The following ADAMTS2 variants were observed in gnomAD, a reference collection of about 807,000 sequenced individuals.
ADAMTS2 encodes ADAM metallopeptidase with thrombospondin type 1 motif 2, also known as A disintegrin and metalloproteinase with thrombospondin motifs 2.
ADAMTS2 carries 50 observed loss-of-function variants against 123.0 expected under a neutral mutation model. The observed-to-expected ratio is 0.41, with a 90% CI of 0.32 to 0.51. The LOEUF (loss-of-function observed/expected upper bound fraction) is 0.51. Ranked by LOEUF, ADAMTS2 falls within the 20% of genes least tolerant of loss-of-function variation. The pLI, the probability that ADAMTS2 is intolerant of heterozygous loss-of-function variation, is 0.35. For synonymous variants in ADAMTS2, 678 were observed against 695.4 expected (o/e 0.98, Z 0.39); for missense variants, 1,494 against 1,705.2 (o/e 0.88, Z 2.18).
At chr5:179,291,909 A>AG (rs1436078577) in intron 2 of ADAMTS2, among the ~76,000 whole-genome samples, 11 of 151,192 alleles carry the variant, frequency 7.3e-5, no homozygotes, top group South Asian at 4.2e-4. Flanking sequence ...GCTAATTTAA[A>AG]AAAAAAAAAA....
intron 1 of ADAMTS2, among the ~76,000 whole-genome samples, chr5:179,344,375 C>T (rs1757877103): frequency 6.6e-6 from 1 of 152,202 alleles, no homozygotes; most frequent in Non-Finnish European, 1.5e-5. Context: ...CCGCCACTCC[C>T]CAGCCGTTCC....
chr5:179,186,282 C>T (rs1473644164), intron 4 of ADAMTS2, among the ~76,000 whole-genome samples: 1 of 152,234 alleles, frequency 6.6e-6, no homozygotes, highest in Non-Finnish European at 1.5e-5. Context: ...GGGTGGTTCT[C>T]CTGCCCCTGC....
intron 2 of ADAMTS2, among the ~76,000 whole-genome samples, chr5:179,318,444 C>T (rs1242877693): frequency 1.3e-5 from 2 of 151,788 alleles, no homozygotes; most frequent in Non-Finnish European, 2.9e-5. Flanking sequence ...CAGCCAGGGA[C>T]GGCCACAGCT....
chr5:179,186,395 G>T (rs543845205), intron 4 of ADAMTS2, among the ~76,000 whole-genome samples: 1 of 152,264 alleles, frequency 6.6e-6, no homozygotes, highest in South Asian at 2.1e-4. Flanking sequence ...GAACAGACAT[G>T]GGGGGCAGGC....
At chr5:179,194,735 C>T (rs1305749235) in intron 4 of ADAMTS2, among the ~76,000 whole-genome samples, 2 of 152,152 alleles carry the variant, frequency 1.3e-5, no homozygotes, top group African/African-American at 4.8e-5. Context: ...AAGGGAACCT[C>T]ACAGGGCCAC....
At chr5:179,343,004 A>G (rs2127463045) in intron 2 of ADAMTS2, among the ~76,000 whole-genome samples, 1 of 149,144 alleles carries the variant, frequency 6.7e-6, no homozygotes, top group South Asian at 2.1e-4. Flanking sequence ...CAAAAGATCG[A>G]GCAGCTCATG....
Position 179,307,357 on chromosome 5 carries a change from C to T in ADAMTS2, c.535-34293G>A, listed in dbSNP as rs1756708703. Among the ~76,000 whole-genome samples, 1 of 152,214 alleles carries T rather than the reference C, an allele frequency of 6.6e-6. No individual in the cohort carries two copies. The highest frequency in any genetic ancestry group is 1.5e-5 in the Non-Finnish European group (1 of 68,036). Reference sequence around the variant, plus strand: ...GCACCCGGCCAACCCTGGGTGGCCACTGCTCAGCACTCCAGGACAGCTCCA... The same window carrying T: ...GCACCCGGCCAACCCTGGGTGGCCATTGCTCAGCACTCCAGGACAGCTCCA... On this transcript the variant is annotated intron_variant, in intron 2 of 21. Coordinates refer to ENST00000251582, the MANE Select transcript of ADAMTS2 (RefSeq NM_014244.5). The surrounding 1 kb of genome is among the most constrained non-coding windows in gnomAD (Gnocchi z 5.6).
chr5:179,231,151 G>A (rs1449495558), intron 3 of ADAMTS2, among the ~76,000 whole-genome samples: 1 of 152,154 alleles, frequency 6.6e-6, no homozygotes, highest in Non-Finnish European at 1.5e-5. Context: ...GGCCCAGAAG[G>A]ACAAATACGG....
intron 3 of ADAMTS2, among the ~76,000 whole-genome samples, chr5:179,236,649 A>G (rs1015004988): frequency 6.6e-6 from 1 of 152,088 alleles, no homozygotes; most frequent in African/African-American, 2.4e-5. Flanking sequence ...AAATTAGCCA[A>G]ACGTAATGGG....
intron 8 of ADAMTS2, 58 bp from the exon 9 acceptor site, chr5:179,153,681 C>G (rs1763411626): frequency 6.4e-7 from 1 of 1,551,658 alleles, no homozygotes; most frequent in Non-Finnish European, 8.7e-7. Flanking sequence ...ATCCACAGCC[C>G]TGGAGGCAGC....
At chr5:179,255,619 ACCTGGCTGGGG>A (rs1766028413) in intron 3 of ADAMTS2, among the ~76,000 whole-genome samples, 1 of 151,950 alleles carries the variant, frequency 6.6e-6, no homozygotes, top group Non-Finnish European at 1.5e-5. Flanking sequence ...ATCTCCCAAG[ACCTGGCTGGGG>A]CCTGACTCAG....
chr5:179,319,779 A>G (rs940920622), intron 2 of ADAMTS2, among the ~76,000 whole-genome samples: 2 of 151,934 alleles, frequency 1.3e-5, no homozygotes, highest in East Asian at 3.9e-4. Flanking sequence ...CACAGGAAGC[A>G]TGCGTGCAGA....
intron 4 of ADAMTS2, among the ~76,000 whole-genome samples, chr5:179,193,647 G>A (rs762701827): frequency 2.0e-5 from 3 of 152,216 alleles, no homozygotes; most frequent in Non-Finnish European, 2.9e-5. Context: ...GATCACAGTC[G>A]CTTTATGGGA....
chr5:179,145,501 C>T (rs1383394601), intron 10 of ADAMTS2, among the ~76,000 whole-genome samples: 1 of 152,172 alleles, frequency 6.6e-6, no homozygotes, highest in African/African-American at 2.4e-5. Context: ...TGAATACCCA[C>T]ACAGTGGATT....
At chr5:179,142,009 G>A (rs1763180093) in intron 10 of ADAMTS2, among the ~76,000 whole-genome samples, 1 of 152,158 alleles carries the variant, frequency 6.6e-6, no homozygotes, top group Non-Finnish European at 1.5e-5. Context: ...GGCCAGGAAT[G>A]TCACTCTGGG....
chr5:179,323,654 C>T (rs967193446), intron 2 of ADAMTS2, among the ~76,000 whole-genome samples: 1 of 152,242 alleles, frequency 6.6e-6, no homozygotes, highest in Non-Finnish European at 1.5e-5. Flanking sequence ...GGCAGCAACC[C>T]CAGACTTAAC....
rs777560968 is a variant in ADAMTS2, at chr5:179,314,132, C to T, written c.534+29635G>A. On this transcript the variant is annotated intron_variant, in intron 2 of 21. Coordinates refer to ENST00000251582, the MANE Select transcript of ADAMTS2 (RefSeq NM_014244.5). The surrounding 1 kb of genome is among the most constrained non-coding windows in gnomAD (Gnocchi z 4.5). ...TCCAGCTTCAGGCTCTGCATCCACA[C>T]GGAGGCTTCGGATTGGGCGCAGCCT... Among the ~76,000 whole-genome samples, 7 of 152,274 alleles carry T rather than the reference C, an allele frequency of 4.6e-5. No individual in the cohort carries two copies. The highest frequency in any genetic ancestry group is 2.1e-4 in the South Asian group (1 of 4,836).
rs905610349 is a variant in ADAMTS2 at position 179,162,903 on chromosome 5, C to T, written c.976-4024G>A. On this transcript the variant is annotated intron_variant, in intron 5 of 21. Coordinates refer to ENST00000251582, the MANE Select transcript of ADAMTS2 (RefSeq NM_014244.5). The surrounding 1 kb of genome is among the most constrained non-coding windows in gnomAD (Gnocchi z 5.1). ...CCACAGGGACCCCAGTCAGGACACT[C>T]GCTGGCCCATGAAAGATGGCGTCTG... 9.2e-5 allele frequency among the ~76,000 whole-genome samples: 14 copies of T among 152,182 alleles called. No homozygotes were observed. The highest frequency in any genetic ancestry group is 2.7e-4 in the African/African-American group (11 of 41,432).
At position 179,135,923 on chromosome 5, in the gene ADAMTS2, GCA is replaced by G. The variant is rs1198046051; in HGVS notation, c.2069_2070del (p.Val690AlafsTer10). On this transcript the variant is annotated frameshift_variant, in exon 13 of 22. Coordinates refer to ENST00000251582, the MANE Select transcript of ADAMTS2 (RefSeq NM_014244.5). LOFTEE classifies it high-confidence loss of function. ...CSYKDAFSLC[V>X]RGDCRKVGCD... ...TGTGTACTCACCCTGCAGTCCCCGC[GCA>G]CACAGAGGCTGAAGGCGTCCTTGTA... 1.9e-6 allele frequency: 3 copies of G among 1,613,030 alleles called. No individual in the cohort carries two copies. Among genetic ancestry groups the G allele is most frequent in the Non-Finnish European group, 2.5e-6 (3 of 1,180,028 alleles).
Sources: allele counts gnomAD v4.1 joint callset (sites outside exome capture counted in the v4.1 genomes callset), GRCh38; gene constraint gnomAD v4.1.1; non-coding constraint Gnocchi (gnomAD v3.1); transcripts MANE v1.5; gene names NCBI Gene and HGNC (gene_info 2026-07-23, HGNC 2026-07-21).